The following SPATA18 variants were observed in gnomAD, a reference collection of about 807,000 sequenced individuals.
The protein encoded by SPATA18 is mitochondria-eating protein.
SPATA18 carries 54 observed loss-of-function variants against 68.1 expected under a neutral mutation model. The ratio of observed to expected loss-of-function variants is 0.79; its 90% CI spans 0.64 to 0.99. The LOEUF (loss-of-function observed/expected upper bound fraction) is 0.99. Ranked by LOEUF, SPATA18 falls within the 50% of genes least tolerant of loss-of-function variation. SPATA18 has a pLI of 0.00. For synonymous variants in SPATA18, 242 were observed against 244.8 expected, an observed-to-expected ratio of 0.99 and a Z score of 0.11; for missense variants, 724 against 681.1, an observed-to-expected ratio of 1.06 and a Z score of -0.70.
At chr4:52,083,361 G>A (rs1216232341) in intron 10 of SPATA18, 1 of 985,188 alleles carries the variant, frequency 1.0e-6, no homozygotes, top group Non-Finnish European at 1.2e-6. Flanking sequence ...TGGAGAAGGG[G>A]AATATTTTAT....
intron 11 of SPATA18, among the ~76,000 whole-genome samples, chr4:52,091,793 C>G (rs537896418): frequency 4.6e-5 from 7 of 152,188 alleles, no homozygotes; most frequent in Admixed American, 4.6e-4. Context: ...TAGCAGAGCT[C>G]GAATGCTGGG....
chr4:52,053,055 G>A (rs1738036101), intron 1 of SPATA18, among the ~76,000 whole-genome samples: 2 of 152,132 alleles, frequency 1.3e-5, no homozygotes, highest in African/African-American at 4.8e-5. Context: ...CTTAGTCTCA[G>A]GAGGTTGAGA....
intron 10 of SPATA18, chr4:52,083,020 GA>G: frequency 1.0e-6 from 1 of 985,394 alleles, no homozygotes; most frequent in Non-Finnish European, 1.2e-6. Flanking sequence ...ATCAGTTTGG[GA>G]AGGTCGCTTC....
intron 11 of SPATA18, among the ~76,000 whole-genome samples, chr4:52,087,880 T>C (rs1741576340): frequency 6.6e-6 from 1 of 152,222 alleles, no homozygotes; most frequent in African/African-American, 2.4e-5. Context: ...ATTTTCACGA[T>C]ATTAACTCTT....
At chr4:52,068,724 T>G (rs1289832411) in intron 4 of SPATA18, among the ~76,000 whole-genome samples, 2 of 152,218 alleles carry the variant, frequency 1.3e-5, no homozygotes, top group Non-Finnish European at 2.9e-5. Context: ...GGAAGGCAAT[T>G]GCACTATCTT....
intron 1 of SPATA18, among the ~76,000 whole-genome samples, chr4:52,059,403 T>A (rs1692734142): frequency 6.6e-6 from 1 of 152,244 alleles, no homozygotes; most frequent in Non-Finnish European, 1.5e-5. Context: ...TCTTCTAATG[T>A]TGGAGTCAGT....
rs151315083 is a variant in SPATA18 at position 52,073,655 on chromosome 4, T to G, written c.758+1499T>G. On this transcript the variant is annotated intron_variant, in intron 6 of 12. Transcript: ENST00000295213. ...AATTAGCTGGGTATGCCTGTGGTCC[T>G]AGATCCTCTGGAGGCTGAGGCAGGA... Among the ~76,000 whole-genome samples the G allele has an allele frequency of 3.4e-3, 517 of 152,238 alleles. 5 individuals carry two copies. Among genetic ancestry groups the G allele is most frequent in the African/African-American group, 0.012 (481 of 41,552 alleles).
chr4:52,085,873 C>G (rs889520357), intron 11 of SPATA18, among the ~76,000 whole-genome samples: 8 of 152,088 alleles, frequency 5.3e-5, no homozygotes, highest in African/African-American at 1.9e-4. Context: ...TTGTACCACA[C>G]TGCACTCTAG....
At chr4:52,051,855 G>C in intron 1 of SPATA18, 64 bp downstream of exon 1, 9 of 1,495,030 alleles carry the variant, frequency 6.0e-6, no homozygotes, top group Non-Finnish European at 8.3e-6. Context: ...GCCCTTGTCG[G>C]GGATTTCTTA....
At chr4:52,070,546 AG>A (rs1168960812) in intron 5 of SPATA18, among the ~76,000 whole-genome samples, 11 of 81,088 alleles carry the variant, frequency 1.4e-4, no homozygotes, top group Non-Finnish European at 2.4e-4. Flanking sequence ...GGGTAGGGGG[AG>A]GGGGGAGGGA....
intron 11 of SPATA18, among the ~76,000 whole-genome samples, chr4:52,094,313 T>C (rs1264939881): frequency 6.6e-6 from 1 of 152,206 alleles, no homozygotes; most frequent in Admixed American, 6.5e-5. Context: ...CTTAGGCTAC[T>C]GAACCCAGCT....
intron 4 of SPATA18, among the ~76,000 whole-genome samples, chr4:52,066,717 G>A (rs949982185): frequency 3.3e-5 from 5 of 152,026 alleles, no homozygotes; most frequent in African/African-American, 4.8e-5. Flanking sequence ...CTGTGTTCCC[G>A]TTGTTCAGCT....
At chr4:52,085,175 T>C (rs1463252306) in intron 11 of SPATA18, among the ~76,000 whole-genome samples, 176 bp downstream of exon 11, 1 of 152,212 alleles carries the variant, frequency 6.6e-6, no homozygotes, top group Non-Finnish European at 1.5e-5. Flanking sequence ...TAATTTATTA[T>C]TCTAGAAAGG....
At chr4:52,092,985 C>T (rs1168621643) in intron 11 of SPATA18, among the ~76,000 whole-genome samples, 4 of 151,938 alleles carry the variant, frequency 2.6e-5, no homozygotes, top group Non-Finnish European at 5.9e-5. Context: ...CACTGGGGAC[C>T]ACCAGAGAGT....
intron 1 of SPATA18, among the ~76,000 whole-genome samples, chr4:52,054,361 G>A (rs1448357605): frequency 5.9e-5 from 9 of 152,190 alleles, no homozygotes; most frequent in Non-Finnish European, 1.3e-4. Context: ...TCTTAGGAGA[G>A]CTTTATTTCT....
At chr4:52,064,717 G>A (rs1234046250) in intron 4 of SPATA18, among the ~76,000 whole-genome samples, 4 of 152,146 alleles carry the variant, frequency 2.6e-5, no homozygotes, top group Non-Finnish European at 4.4e-5. Flanking sequence ...CTGCAATTGC[G>A]ATTTGTACTG....
intron 4 of SPATA18, among the ~76,000 whole-genome samples, chr4:52,066,532 C>T (rs190267636): frequency 2.7e-3 from 405 of 152,294 alleles, no homozygotes; most frequent in Non-Finnish European, 4.7e-3. Flanking sequence ...CCGGGATACA[C>T]GTGCAGGATG....
intron 6 of SPATA18, among the ~76,000 whole-genome samples, chr4:52,075,093 G>T (rs1252191627): frequency 6.6e-6 from 1 of 152,146 alleles, no homozygotes; most frequent in Admixed American, 6.5e-5. Flanking sequence ...GGCTGTGATG[G>T]CTTAGGAGAA....
At chr4:52,085,426 G>A (rs537819969) in intron 11 of SPATA18, among the ~76,000 whole-genome samples, 1 of 152,216 alleles carries the variant, frequency 6.6e-6, no homozygotes, top group Non-Finnish European at 1.5e-5. Context: ...GGCATTGCAG[G>A]TATTAATGTG....
Sources: allele counts gnomAD v4.1 joint callset (sites outside exome capture counted in the v4.1 genomes callset), GRCh38; gene constraint gnomAD v4.1.1; transcripts MANE v1.5; gene names NCBI Gene and HGNC (gene_info 2026-07-23, HGNC 2026-07-21).